Variants in DOCK4 observed in about 807,000 individuals in gnomAD.
DOCK4 encodes the protein dedicator of cytokinesis protein 4.
DOCK4 carries 97 observed loss-of-function variants against 268.1 expected under a neutral mutation model. The observed-to-expected ratio is 0.36, with a 90% CI of 0.31 to 0.43. The LOEUF is 0.43. DOCK4 is among the 20% of genes least tolerant of loss of function. The pLI is 1.00. For missense variants in DOCK4, 2,145 were observed against 2,455.7 expected (o/e 0.87, Z 2.67); for synonymous variants, 954 against 887.2 (o/e 1.08, Z -1.34).
intron 1 of DOCK4, among the ~76,000 whole-genome samples, chr7:112,170,592 A>G (rs1818006391): frequency 6.6e-6 from 1 of 152,232 alleles, no homozygotes; most frequent in South Asian, 2.1e-4. Context: ...GACCTTCATT[A>G]GTTACACAAA....
At chr7:112,102,964 A>G (rs1195681418) in intron 1 of DOCK4, among the ~76,000 whole-genome samples, 2 of 152,250 alleles carry the variant, frequency 1.3e-5, no homozygotes, top group African/African-American at 4.8e-5. Flanking sequence ...AAACTTTTAA[A>G]GTTATGAGTA....
chr7:112,121,294 T>G (rs1312416215), intron 1 of DOCK4, among the ~76,000 whole-genome samples: 1 of 152,206 alleles, frequency 6.6e-6, no homozygotes, highest in Non-Finnish European at 1.5e-5. Flanking sequence ...GACTCTGATC[T>G]CCAAGAAGTC....
At chr7:112,134,246 G>C (rs140967776) in intron 1 of DOCK4, among the ~76,000 whole-genome samples, 1 of 152,098 alleles carries the variant, frequency 6.6e-6, no homozygotes, top group South Asian at 2.1e-4. Context: ...CCTGAGGCTC[G>C]GAAAGCCAGC....
In DOCK4 at chr7:111,923,220, T is replaced by C. The variant is rs150825480; in HGVS notation, c.1067-7316A>G. Among the ~76,000 whole-genome samples, 42 of 152,346 alleles carry C rather than the reference T, an allele frequency of 2.8e-4. 2 individuals carry two copies. In the East Asian group the frequency reaches 7.7e-3, roughly 28 times the overall value. On this transcript the variant is annotated intron_variant, in intron 12 of 52. Coordinates refer to ENST00000428084, the MANE Select transcript of DOCK4 (RefSeq NM_001363540.2). ...TGAGGGGATGTGCATAGGTTATATG[T>C]AAATAGTATATGCTATTTTATGTAA...
intron 7 of DOCK4, among the ~76,000 whole-genome samples, chr7:111,980,834 T>A (rs569028511): frequency 6.6e-6 from 1 of 152,346 alleles, no homozygotes; most frequent in Admixed American, 6.5e-5. Flanking sequence ...AGTAAGCAGA[T>A]GCATGATCTT....
chr7:112,152,198 C>T (rs1027787556), intron 1 of DOCK4, among the ~76,000 whole-genome samples: 5 of 152,152 alleles, frequency 3.3e-5, no homozygotes, highest in Admixed American at 6.5e-5. Flanking sequence ...TACTATGTAA[C>T]GAGCTCAGAA....
chr7:112,082,112 A>G (rs1312802640), intron 1 of DOCK4, among the ~76,000 whole-genome samples: 1 of 152,226 alleles, frequency 6.6e-6, no homozygotes, highest in Non-Finnish European at 1.5e-5. Context: ...GTCATGGAAT[A>G]GACACATAGT....
At chr7:112,032,731 C>T (rs1244373771) in intron 1 of DOCK4, among the ~76,000 whole-genome samples, 1 of 152,060 alleles carries the variant, frequency 6.6e-6, no homozygotes, top group Non-Finnish European at 1.5e-5. Context: ...TCATTTTCCC[C>T]AAAGCCCCAC....
At chr7:112,040,941 G>A (rs886788295) in intron 1 of DOCK4, among the ~76,000 whole-genome samples, 14 of 152,168 alleles carry the variant, frequency 9.2e-5, no homozygotes, top group Admixed American at 6.5e-5. Context: ...AGTATATGCA[G>A]TGTCTAAAGT....
At chr7:111,872,121 T>C (rs2134238110) in intron 19 of DOCK4, 31 bp from the exon 20 acceptor site, 1 of 1,480,152 alleles carries the variant, frequency 6.8e-7, no homozygotes, top group Non-Finnish European at 9.1e-7. Flanking sequence ...TTTATAAAAC[T>C]AAATGCAAAT....
At chr7:112,172,511 A>C (rs542949212) in intron 1 of DOCK4, among the ~76,000 whole-genome samples, 130 of 152,354 alleles carry the variant, frequency 8.5e-4, no homozygotes, top group African/African-American at 3.0e-3. Context: ...TATCAAGAGA[A>C]CAAGTGACTT....
rs370593473 is a variant in DOCK4, at chr7:111,969,449, C to A, written c.701+7683G>T. Among the ~76,000 whole-genome samples, 82 of 140,654 alleles carry A rather than the reference C, an allele frequency of 5.8e-4. 1 individual carries two copies. The East Asian group carries it at 0.012, about 20-fold the overall frequency. The allele number at this position is 140,654 out of a possible 152,430, so 92.3% of individuals were successfully genotyped here. A position where few individuals can be genotyped will look rare whatever the true frequency, so the allele number is the denominator to read the frequency against. The stretch of plus-strand genomic sequence containing the variant: ...TTTTTCTATTAAAAAAACAAAAAAA[C>A]AAAAAAACAGTGATTTGACTCCTGT... On this transcript the variant is annotated intron_variant, in intron 8 of 52. Coordinates refer to ENST00000428084, the MANE Select transcript of DOCK4 (RefSeq NM_001363540.2).
intron 23 of DOCK4, among the ~76,000 whole-genome samples, chr7:111,853,713 T>C (rs1181236860): frequency 2.0e-5 from 3 of 152,070 alleles, no homozygotes; most frequent in Non-Finnish European, 4.4e-5. Context: ...CCTGAATGCC[T>C]CCACCTCAGG....
chr7:112,023,084 C>T (rs907121504), intron 1 of DOCK4, among the ~76,000 whole-genome samples: 12 of 152,210 alleles, frequency 7.9e-5, no homozygotes, highest in African/African-American at 2.4e-4. Flanking sequence ...CCCGCCACCA[C>T]GCCCAGCTAA....
chr7:111,840,165 T>C (rs1586143188), intron 25 of DOCK4, among the ~76,000 whole-genome samples: 1 of 152,164 alleles, frequency 6.6e-6, no homozygotes, highest in East Asian at 1.9e-4. Flanking sequence ...ATAGCAAGGG[T>C]ATTGGATGGC....
intron 14 of DOCK4, among the ~76,000 whole-genome samples, chr7:111,901,037 T>C (rs1791098303): frequency 6.6e-6 from 1 of 152,136 alleles, no homozygotes; most frequent in African/African-American, 2.4e-5. Flanking sequence ...AGAAAATATA[T>C]AGAATTAAAT....
intron 8 of DOCK4, among the ~76,000 whole-genome samples, chr7:111,960,952 C>T (rs1796831515): frequency 6.6e-6 from 1 of 152,120 alleles, no homozygotes. Flanking sequence ...ATGTTGACTC[C>T]ATATCTTAGC....
chr7:112,147,600 C>G (rs1815633673), intron 1 of DOCK4, among the ~76,000 whole-genome samples: 1 of 152,040 alleles, frequency 6.6e-6, no homozygotes, highest in Admixed American at 6.6e-5. Flanking sequence ...AAAGTTTGCC[C>G]ACTTTCCTGT....
intron 23 of DOCK4, among the ~76,000 whole-genome samples, chr7:111,853,459 GCCTCTGTGATCAAAGCCA>G (rs1804747179): frequency 6.6e-6 from 1 of 152,206 alleles, no homozygotes; most frequent in South Asian, 2.1e-4. Flanking sequence ...GCTGGGATGG[GCCTCTGTGATCAAAGCCA>G]CCAGGAATTG....
Sources: gnomAD v4.1 joint callset for allele counts (sites outside exome capture counted in the v4.1 genomes callset) on GRCh38, gnomAD v4.1.1 for gene constraint, MANE v1.5 for transcripts, NCBI Gene and HGNC (gene_info 2026-07-23, HGNC 2026-07-21) for gene names.